SLC22A23: variants seen among roughly 807,000 people sequenced by gnomAD.
The protein encoded by SLC22A23 is ion transporter protein.
A neutral mutation model predicts 61.0 loss-of-function variants in SLC22A23; 26 were observed. The observed-to-expected ratio is 0.43, with a 90% CI of 0.31 to 0.59. SLC22A23 has a LOEUF of 0.59. Ranked by LOEUF, SLC22A23 falls within the 20% of genes least tolerant of loss-of-function variation. SLC22A23 has a pLI of 0.11. For missense variants in SLC22A23, 796 were observed against 934.7 expected (o/e 0.85, Z 1.94); for synonymous variants, 430 against 413.9 (o/e 1.04, Z -0.47).
chr6:3,375,466 G>C (rs955482821), intron 3 of SLC22A23, among the ~76,000 whole-genome samples: 1 of 152,192 alleles, frequency 6.6e-6, no homozygotes, highest in Non-Finnish European at 1.5e-5. Context: ...CGCTGACTAT[G>C]GTAGTGGTGC....
intron 3 of SLC22A23, among the ~76,000 whole-genome samples, chr6:3,402,084 C>T (rs1458040283): frequency 6.6e-6 from 1 of 152,110 alleles, no homozygotes; most frequent in Non-Finnish European, 1.5e-5. Flanking sequence ...AGTCCCCTGG[C>T]CCTCCTTCAC....
At chr6:3,325,091 TAAG>T (rs1763198737) in intron 3 of SLC22A23, among the ~76,000 whole-genome samples, 2 of 151,976 alleles carry the variant, frequency 1.3e-5, no homozygotes, top group African/African-American at 2.4e-5. Context: ...AAACATAAGG[TAAG>T]AAGAAGAAGG....
At chr6:3,397,589 T>C (rs777081144) in intron 3 of SLC22A23, among the ~76,000 whole-genome samples, 1 of 152,246 alleles carries the variant, frequency 6.6e-6, no homozygotes, top group Non-Finnish European at 1.5e-5. Flanking sequence ...TTTGTGTATA[T>C]GTACATATGT....
intron 5 of SLC22A23, chr6:3,290,409 T>TA (rs1760472726): frequency 1.1e-5 from 2 of 182,666 alleles, no homozygotes; most frequent in South Asian, 2.4e-4. Context: ...GGACATCATA[T>TA]GCATCTTTGA....
intron 7 of SLC22A23, 41 bp from the exon 8 acceptor site, chr6:3,285,152 C>T (rs1239944507): frequency 1.3e-5 from 21 of 1,611,624 alleles, no homozygotes; most frequent in Non-Finnish European, 1.8e-5. Context: ...GGACAAGGGC[C>T]AAGCAAGCGA....
chr6:3,384,798 T>G lies in SLC22A23; in HGVS notation c.913+25390A>C, dbSNP rs188379550. On this transcript the variant is annotated intron_variant, in intron 3 of 9. Coordinates refer to ENST00000406686, the MANE Select transcript of SLC22A23 (RefSeq NM_015482.2). ...GCAGGAACTCAAAAACACACACATG[T>G]GTTCACAGCAGCAGTATTCACAATA... 7.2e-5 allele frequency among the ~76,000 whole-genome samples: 11 copies of G among 152,328 alleles called. No individual in the cohort carries two copies. The East Asian group carries it at 9.6e-4, about 13-fold the overall frequency.
intron 1 of SLC22A23, among the ~76,000 whole-genome samples, chr6:3,455,521 G>C (rs1017514056): frequency 2.6e-5 from 4 of 152,214 alleles, no homozygotes; most frequent in African/African-American, 9.6e-5. Context: ...CTATTGCTTT[G>C]TGGGAGACCC....
rs115480977 is a variant in SLC22A23 at position 3,372,055 on chromosome 6, A to G, written c.913+38133T>C. On this transcript the variant is annotated intron_variant, in intron 3 of 9. Coordinates refer to ENST00000406686, the MANE Select transcript of SLC22A23 (RefSeq NM_015482.2). The surrounding 1 kb of genome is among the most constrained non-coding windows in gnomAD (Gnocchi z 4.7). Reference sequence around the variant, plus strand: ...TACTCTCATCATCCCTAATTTACAGATGAGGAAACTGAGGAACAGTTCCTA... The same window carrying G: ...TACTCTCATCATCCCTAATTTACAGGTGAGGAAACTGAGGAACAGTTCCTA... Among the ~76,000 whole-genome samples, 215 of 152,328 alleles carry G rather than the reference A, an allele frequency of 1.4e-3. No homozygotes were observed. Among genetic ancestry groups the G allele is most frequent in the African/African-American group, 4.9e-3 (205 of 41,568 alleles).
chr6:3,451,279 C>T (rs1772144838), intron 1 of SLC22A23, among the ~76,000 whole-genome samples: 1 of 152,254 alleles, frequency 6.6e-6, no homozygotes, highest in South Asian at 2.1e-4. Flanking sequence ...TCACTGCAAC[C>T]TCTCACTCCC....
At chr6:3,303,122 T>C (rs1219689410) in intron 4 of SLC22A23, 1 of 152,104 alleles carries the variant, frequency 6.6e-6, no homozygotes, top group Non-Finnish European at 1.5e-5. Flanking sequence ...ACATCACTAA[T>C]CATCAGAAAA....
chr6:3,437,581 C>T (rs965605526), intron 1 of SLC22A23, among the ~76,000 whole-genome samples: 2 of 151,264 alleles, frequency 1.3e-5, no homozygotes, highest in Non-Finnish European at 2.9e-5. Flanking sequence ...CCCAGGTACT[C>T]GGGAGGCTGA....
Position 3,318,358 on chromosome 6 carries a change from C to T in SLC22A23, c.1082+5476G>A, listed in dbSNP as rs537494283. On this transcript the variant is annotated intron_variant, in intron 4 of 9. Transcript: ENST00000406686. The surrounding 1 kb of genome is among the most constrained non-coding windows in gnomAD (Gnocchi z 4.3). Reference sequence around the variant, plus strand: ...CCGATACCCCAACCACTTCCTGTGTCGGGCTCTCACACGTGGGCCACCATC... The same window carrying T: ...CCGATACCCCAACCACTTCCTGTGTTGGGCTCTCACACGTGGGCCACCATC... Among the ~76,000 whole-genome samples, 3 of 152,148 alleles carry T rather than the reference C, an allele frequency of 2.0e-5. No homozygotes were observed. Among genetic ancestry groups the T allele is most frequent in the Non-Finnish European group, 4.4e-5 (3 of 68,028 alleles).
rs1444539287 is a variant in SLC22A23 at position 3,286,914 on chromosome 6, C to T, written c.1491G>A (p.Leu497=). Residue 497 remains leucine, a synonymous_variant, in exon 7 of 10, where the codon CTG becomes CTA. Transcript: ENST00000406686. This position sits in a 1 kb window ranked among gnomAD's most constrained non-coding sequence, Gnocchi z 4.2. ...CCAGGGCGGTGAGGATCATGAAGAG[C>T]AGCAGCCCTCCCCTGCGCCCGAGGA... ...VRFLGRRGGL[L]LFMILTALAS... The T allele has an allele frequency of 1.9e-6, 3 of 1,613,052 alleles. No homozygotes were observed. Among genetic ancestry groups the T allele is most frequent in the African/African-American group, 1.3e-5 (1 of 74,936 alleles).
intron 4 of SLC22A23, among the ~76,000 whole-genome samples, chr6:3,316,079 G>C (rs1459609250): frequency 6.6e-6 from 1 of 152,160 alleles, no homozygotes; most frequent in Non-Finnish European, 1.5e-5. Flanking sequence ...GGCCTGGGGC[G>C]GGGGCTGGGC....
intron 3 of SLC22A23, among the ~76,000 whole-genome samples, chr6:3,369,621 G>A (rs1238138923): frequency 1.3e-5 from 2 of 151,974 alleles, no homozygotes; most frequent in Non-Finnish European, 2.9e-5. Context: ...AATCTGGGAG[G>A]TGGAGGTTGC....
At chr6:3,321,393 C>T (rs180701912) in intron 4 of SLC22A23, among the ~76,000 whole-genome samples, 446 of 151,174 alleles carry the variant, frequency 3.0e-3, no homozygotes, top group Non-Finnish European at 4.5e-3. Context: ...CATGCACACA[C>T]GTACACATAC....
In SLC22A23 at chr6:3,270,061, T is replaced by C. The variant is rs539318484; in HGVS notation, c.*2994A>G. ...TTAGGGCATTTGATAAGAGTTTGAC[T>C]TCAGAAAAAGAACAAAGTGAAGAAA... On this transcript the variant is annotated 3_prime_UTR_variant, in exon 10 of 10. Transcript: ENST00000406686. 1.3e-5 allele frequency: 2 copies of C among 152,596 alleles called. No individual in the cohort carries two copies. Among genetic ancestry groups the C allele is most frequent in the South Asian group, 2.1e-4 (1 of 4,828 alleles). 9.5% of individuals were successfully genotyped at this position (152,596 alleles called of 1,614,324 possible).
At chr6:3,347,152 G>A (rs1457446619) in intron 3 of SLC22A23, among the ~76,000 whole-genome samples, 1 of 152,156 alleles carries the variant, frequency 6.6e-6, no homozygotes, top group Non-Finnish European at 1.5e-5. Flanking sequence ...TGTCCTGTGA[G>A]TGCCCGAAGT....
intron 1 of SLC22A23, among the ~76,000 whole-genome samples, chr6:3,451,099 T>C (rs548979563): frequency 7.2e-5 from 11 of 152,370 alleles, no homozygotes; most frequent in African/African-American, 1.2e-4. Flanking sequence ...CAAGTTCAGC[T>C]GGCATTGATT....
Sources: gnomAD v4.1 joint callset for allele counts (sites outside exome capture counted in the v4.1 genomes callset) on GRCh38, gnomAD v4.1.1 for gene constraint, Gnocchi (gnomAD v3.1) non-coding constraint, MANE v1.5 for transcripts, NCBI Gene and HGNC (gene_info 2026-07-23, HGNC 2026-07-21) for gene names.